The following POFUT1 variants were observed in gnomAD, a reference collection of about 807,000 sequenced individuals.
The protein encoded by POFUT1 is protein O-fucosyltransferase 1, also known as GDP-fucose protein O-fucosyltransferase 1.
In POFUT1, 16 loss-of-function variants were observed where a neutral mutation model predicts 42.4. The ratio of observed to expected loss-of-function variants is 0.38; its 90% confidence interval spans 0.26 to 0.57. The LOEUF (loss-of-function observed/expected upper bound fraction) is 0.57, where lower values mean the gene tolerates loss of function less well. Ranked by LOEUF, POFUT1 falls within the 20% of genes least tolerant of loss-of-function variation. The pLI, the probability that POFUT1 is intolerant of heterozygous loss-of-function variation, is 0.71. For synonymous variants in POFUT1, 206 were observed against 205.4 expected (o/e 1.00, Z -0.03); for missense variants, 470 against 504.6 (o/e 0.93, Z 0.66).
chr20:32,215,237 A>T, intron 2 of POFUT1, 32 bp from the exon 3 acceptor site: 1 of 1,576,648 alleles, frequency 6.3e-7, no homozygotes, highest in Non-Finnish European at 8.7e-7. Flanking sequence ...GGGGGCACTG[A>T]GACGGGACCT....
chr20:32,212,053 A>G (rs114138695), intron 2 of POFUT1, among the ~76,000 whole-genome samples: 2 of 152,308 alleles, frequency 1.3e-5, no homozygotes, highest in Admixed American at 1.3e-4. Context: ...GGAGATGGTT[A>G]TATTCCTACC....
rs754173599 is a variant in POFUT1 at position 32,235,778 on chromosome 20, T to A, written c.*1117T>A. 4 of 152,272 alleles carry A rather than the reference T, an allele frequency of 2.6e-5. No individual in the cohort carries two copies. Among genetic ancestry groups the A allele is most frequent in the Non-Finnish European group, 5.9e-5 (4 of 68,054 alleles). The allele number at this position is 152,272 out of a possible 1,614,324, so 9.4% of individuals were successfully genotyped here. On this transcript the variant is annotated 3_prime_UTR_variant, in exon 7 of 7. Coordinates refer to ENST00000375749, the MANE Select transcript of POFUT1 (RefSeq NM_015352.2). ...ATAATCTGTGACTCCTGAGAGCCCATGGTTTTTTGACCTTGTGGTTCTAAA... is the reference window on the plus strand; with the variant it reads ...ATAATCTGTGACTCCTGAGAGCCCAAGGTTTTTTGACCTTGTGGTTCTAAA...
In POFUT1 at chr20:32,237,842, C is replaced by T. The variant is rs759389652; in HGVS notation, c.*3181C>T. The T allele has an allele frequency of 2.6e-5, 14 of 534,226 alleles. No individual in the cohort carries two copies. Among genetic ancestry groups the T allele is most frequent in the Non-Finnish European group, 2.3e-5 (6 of 260,034 alleles). The allele number at this position is 534,226 out of a possible 1,614,324, so 33.1% of individuals were successfully genotyped here. ...CCTAGACTAGGACTCCAGTGCCCTC[C>T]TCTCCCAAGAGACAAAGGCCATTGC... is the stretch of plus-strand genomic sequence containing the variant. On this transcript the variant is annotated 3_prime_UTR_variant, in exon 7 of 7. Coordinates refer to ENST00000375749, the MANE Select transcript of POFUT1 (RefSeq NM_015352.2).
intron 4 of POFUT1, chr20:32,217,293 A>C (rs777941714): frequency 1.5e-6 from 2 of 1,357,016 alleles, no homozygotes; most frequent in Non-Finnish European, 1.9e-6. Context: ...GTTTTCTAGG[A>C]GCTATGGTCT....
chr20:32,220,193 A>C (rs999533641), intron 4 of POFUT1, among the ~76,000 whole-genome samples: 2 of 152,192 alleles, frequency 1.3e-5, no homozygotes, highest in African/African-American at 4.8e-5. Flanking sequence ...TATATACCAC[A>C]TTTGTGTATC....
intron 2 of POFUT1, among the ~76,000 whole-genome samples, chr20:32,211,427 ACG>A (rs1374333579): frequency 6.6e-6 from 1 of 151,956 alleles, no homozygotes; most frequent in Non-Finnish European, 1.5e-5. Context: ...GCGCACCACC[ACG>A]CCCAGCTAAT....
chr20:32,221,743 T>A (rs1022712740), intron 4 of POFUT1, among the ~76,000 whole-genome samples: 17 of 151,470 alleles, frequency 1.1e-4, no homozygotes, highest in Non-Finnish European at 2.9e-5. Context: ...AGGGCCTTTA[T>A]GGGGGGTAGC....
rs769769211 is a variant in POFUT1, at chr20:32,234,692, T to C, written c.*31T>C. 6.4e-7 allele frequency: 1 copy of C among 1,553,340 alleles called. No individual in the cohort carries two copies. Among genetic ancestry groups the C allele is most frequent in the Non-Finnish European group, 8.7e-7 (1 of 1,143,762 alleles). ...GCCGGAGCACCAGACCCTCTGATCC[T>C]GGAGGGACCAGAGTCTGAGCTGGTC... On this transcript the variant is annotated 3_prime_UTR_variant, in exon 7 of 7. Transcript: ENST00000375749.
At chr20:32,217,036 C>G (rs2047365488) in intron 4 of POFUT1, 1 of 1,614,006 alleles carries the variant, frequency 6.2e-7, no homozygotes, top group Non-Finnish European at 8.5e-7. Flanking sequence ...TGTTACCTTA[C>G]TCTTCCCAAG....
chr20:32,209,356 A>G (rs553992403), intron 1 of POFUT1, among the ~76,000 whole-genome samples: 1 of 152,278 alleles, frequency 6.6e-6, no homozygotes, highest in East Asian at 1.9e-4. Context: ...GCAATTATCA[A>G]CATTTTTCAT....
At chr20:32,208,648 CAAAA>C (rs67714814) in intron 1 of POFUT1, among the ~76,000 whole-genome samples, 49 of 93,610 alleles carry the variant, frequency 5.2e-4, no homozygotes, top group East Asian at 2.4e-3. Context: ...AATCCAATCT[CAAAA>C]AAAAAAAAAA....
At chr20:32,227,990 A>G (rs1273094390) in intron 4 of POFUT1, among the ~76,000 whole-genome samples, 1 of 152,114 alleles carries the variant, frequency 6.6e-6, no homozygotes. Flanking sequence ...AAAGGTTGGA[A>G]TGCTCTCCTG....
At chr20:32,231,152 C>A in intron 6 of POFUT1, 91 bp downstream of exon 6, 1 of 1,425,300 alleles carries the variant, frequency 7.0e-7, no homozygotes, top group Non-Finnish European at 9.7e-7. Context: ...TCACGGGCTC[C>A]CCTACAAGCC....
At chr20:32,209,818 G>A (rs759633639) in intron 1 of POFUT1, among the ~76,000 whole-genome samples, 7 of 152,204 alleles carry the variant, frequency 4.6e-5, no homozygotes, top group Non-Finnish European at 1.0e-4. Context: ...GAGGCATTGG[G>A]TGGGGATGGG....
Position 32,237,378 on chromosome 20 carries a change from A to G in POFUT1, c.*2717A>G, listed in dbSNP as rs2047476721. ...AAGAAATATAAAGGGTTTGGGAGCA[A>G]AAAGAGGGAGTGGATCTATTTTAGA... On this transcript the variant is annotated 3_prime_UTR_variant, in exon 7 of 7. Transcript: ENST00000375749. 6.2e-6 allele frequency: 1 copy of G among 162,114 alleles called. No homozygotes were observed. Among genetic ancestry groups the G allele is most frequent in the Admixed American group, 5.9e-5 (1 of 17,044 alleles). The allele number at this position is 162,114 out of a possible 1,614,324, so 10.0% of individuals were successfully genotyped here. A position where few individuals can be genotyped will look rare whatever the true frequency, so the allele number is the denominator to read the frequency against.
intron 4 of POFUT1, chr20:32,222,858 G>A (rs531435897): frequency 3.5e-5 from 34 of 985,404 alleles, no homozygotes; most frequent in East Asian, 1.1e-4. Flanking sequence ...GAATTTGAGC[G>A]CATGGCTTGT....
intron 6 of POFUT1, 108 bp downstream of exon 6, chr20:32,231,169 C>T (rs1489473474): frequency 1.6e-6 from 2 of 1,217,334 alleles, no homozygotes; most frequent in African/African-American, 1.5e-5. Context: ...AGCCTTTTGC[C>T]TGGACCTACC....
At chr20:32,228,516 C>A in intron 5 of POFUT1, 61 bp downstream of exon 5, 2 of 1,468,436 alleles carry the variant, frequency 1.4e-6, no homozygotes, top group Non-Finnish European at 1.9e-6. Flanking sequence ...ATGGCCCTGG[C>A]CTGTAGGGAT....
Position 32,208,007 on chromosome 20 carries a change from G to A in POFUT1, c.66G>A (p.Pro22=), listed in dbSNP as rs894211893. The A allele has an allele frequency of 8.2e-6, 13 of 1,587,298 alleles. No homozygotes were observed. Among genetic ancestry groups the A allele is most frequent in the Admixed American group, 1.7e-5 (1 of 57,782 alleles). The change falls in exon 1 of 7, where the codon CCG becomes CCA. Residue 22 remains proline, a synonymous_variant. Transcript: ENST00000375749. ...VSFLLLLLPL[P]GMPAGSWDPA... ...TCCTGCTGCTGCTTCTGCCGCTCCC[G>A]GGGATGCCTGCGGGCTCCTGGGACC...
Sources: allele counts gnomAD v4.1 joint callset (sites outside exome capture counted in the v4.1 genomes callset), GRCh38; gene constraint gnomAD v4.1.1; transcripts MANE v1.5; gene names NCBI Gene and HGNC (gene_info 2026-07-23, HGNC 2026-07-21).